TCTN3: variants seen among roughly 807,000 people sequenced by gnomAD.
TCTN3 encodes the protein tectonic-3.
A neutral mutation model predicts 71.3 loss-of-function variants in TCTN3; 57 were observed. The ratio of observed to expected loss-of-function variants is 0.80; its 90% CI spans 0.65 to 1.00. The LOEUF (loss-of-function observed/expected upper bound fraction) is 1.00. Ranked by LOEUF, TCTN3 falls within the 50% of genes least tolerant of loss-of-function variation. The pLI, the probability that TCTN3 is intolerant of heterozygous loss-of-function variation, is 0.00. For synonymous variants in TCTN3, 258 were observed against 267.8 expected, an observed-to-expected ratio of 0.96 and a Z score of 0.36; for missense variants, 696 against 719.9, an observed-to-expected ratio of 0.97 and a Z score of 0.38.
At chr10:95,677,296 A>G (rs2097938014) in intron 13 of TCTN3, among the ~76,000 whole-genome samples, 1 of 152,154 alleles carries the variant, frequency 6.6e-6, no homozygotes, top group Admixed American at 6.6e-5. Context: ...AATAGTATAA[A>G]ATTGTAAGTG....
chr10:95,689,354 G>A (rs1330451820), intron 3 of TCTN3, among the ~76,000 whole-genome samples: 2 of 152,202 alleles, frequency 1.3e-5, no homozygotes, highest in Non-Finnish European at 2.9e-5. Flanking sequence ...AACAGGTGAT[G>A]TTGATGCTGC....
At chr10:95,685,210 A>G (rs2097947108) in intron 8 of TCTN3, among the ~76,000 whole-genome samples, 2 of 152,236 alleles carry the variant, frequency 1.3e-5, no homozygotes, top group South Asian at 4.1e-4. Context: ...ACAGACTGCA[A>G]GTGGGCAACA....
rs774722961 is a variant in TCTN3 at position 95,680,592 on chromosome 10, G to A, written c.1470C>T (p.Ser490=). 5.0e-6 allele frequency: 8 copies of A among 1,614,050 alleles called. No individual in the cohort carries two copies. The South Asian group carries it at 8.8e-5, about 18-fold the overall frequency. The change falls in exon 13 of 14, where the codon TCC becomes TCT. Residue 490 remains serine, a synonymous_variant. Transcript: ENST00000371217. ...CCAGGGAAACTGGTATGAGACAGCA[G>A]GAAGTACAGTTTATAGCCTGCAGAA... is the stretch of plus-strand genomic sequence containing the variant. ...HCSISAINCT[S]CCLIPVSLEI...
intron 3 of TCTN3, among the ~76,000 whole-genome samples, chr10:95,687,991 A>G (rs1466066243): frequency 1.3e-5 from 2 of 152,212 alleles, no homozygotes; most frequent in Admixed American, 6.5e-5. Context: ...TAACTGAATT[A>G]TTGTTTTAAT....
At position 95,663,770 on chromosome 10, in the gene TCTN3, A is replaced by G. The variant is rs1254574339; in HGVS notation, c.*297T>C. ...ATCCAGACCTTGTAAACATTCAGCT[A>G]GGTGTAACATAACCAGAAAGGCTGA... On this transcript the variant is annotated 3_prime_UTR_variant, in exon 14 of 14. Coordinates refer to ENST00000371217, the MANE Select transcript of TCTN3 (RefSeq NM_015631.6). 3.2e-6 allele frequency: 1 copy of G among 316,200 alleles called. No individual in the cohort carries two copies. Among genetic ancestry groups the G allele is most frequent in the Non-Finnish European group, 6.0e-6 (1 of 167,622 alleles). 19.6% of individuals were successfully genotyped at this position (316,200 alleles called of 1,614,324 possible).
chr10:95,693,295 T>C, intron 2 of TCTN3, 58 bp downstream of exon 2: 1 of 1,547,806 alleles, frequency 6.5e-7, no homozygotes, highest in Non-Finnish European at 8.7e-7. Flanking sequence ...TACATCCAAA[T>C]GTTACCCGTT....
Position 95,693,920 on chromosome 10 carries a change from G to A in TCTN3, c.-21C>T, listed in dbSNP as rs1258727352. The A allele has an allele frequency of 2.6e-6, 4 of 1,551,346 alleles. No individual in the cohort carries two copies. Among genetic ancestry groups the A allele is most frequent in the Non-Finnish European group, 1.7e-6 (2 of 1,146,978 alleles). On this transcript the variant is annotated 5_prime_UTR_variant, in exon 1 of 14. Transcript: ENST00000371217. ...CGCATGGGGCATTCAGGGCCTCCGG[G>A]TCCGACGTAGGCCTCCGCGGTCTCC...
chr10:95,693,048 AAG>A lies in TCTN3; in HGVS notation c.381-12_381-11del. The A allele has an allele frequency of 1.3e-6, 2 of 1,589,854 alleles. No individual in the cohort carries two copies. Among genetic ancestry groups the A allele is most frequent in the Non-Finnish European group, 1.7e-6 (2 of 1,160,966 alleles). On this transcript the variant is annotated splice_polypyrimidine_tract_variant and intron_variant, in intron 2 of 13. Transcript: ENST00000371217. The stretch of plus-strand genomic sequence containing the variant: ...AACCCAGCTTGAAGACCTGTGAGGA[AAG>A]AGGAGGGAGAAGATATATTTAGAAG...
chr10:95,669,231 G>A (rs899743166), intron 13 of TCTN3, among the ~76,000 whole-genome samples: 2 of 152,206 alleles, frequency 1.3e-5, no homozygotes. Flanking sequence ...CAACAGCATA[G>A]TAGGGCGACT....
chr10:95,693,654 G>A lies in TCTN3; in HGVS notation c.246C>T (p.Asp82=). 1.9e-6 allele frequency: 3 copies of A among 1,551,176 alleles called. No homozygotes were observed. The highest frequency in any genetic ancestry group is 2.6e-6 in the Non-Finnish European group (3 of 1,146,848). The change falls in exon 1 of 14, where the codon GAC becomes GAT. Residue 82 remains aspartate (D), a synonymous_variant. Transcript: ENST00000371217. ...AACGTTTTCCCTCACCTGGGAAGAGGTCCACAGTCCTATTCCCAGGGGCCG... is the reference window on the plus strand; with the variant it reads ...AACGTTTTCCCTCACCTGGGAAGAGATCCACAGTCCTATTCCCAGGGGCCG... The part of the protein sequence containing the change: ...TPSAPGNRTV[D]LFPVLPICVC...
chr10:95,687,463 G>C, intron 4 of TCTN3, 108 bp from the exon 5 acceptor site: 1 of 1,511,230 alleles, frequency 6.6e-7, no homozygotes, highest in Non-Finnish European at 9.0e-7. Flanking sequence ...TACGTGGACA[G>C]TACTGCCCTC....
chr10:95,665,369 C>G (rs1259497403), intron 13 of TCTN3, among the ~76,000 whole-genome samples: 1 of 152,186 alleles, frequency 6.6e-6, no homozygotes, highest in East Asian at 1.9e-4. Context: ...ACCTCTGCCT[C>G]CCGGGTTCAA....
At chr10:95,668,792 C>T (rs1177000251) in intron 13 of TCTN3, among the ~76,000 whole-genome samples, 1 of 152,130 alleles carries the variant, frequency 6.6e-6, no homozygotes, top group Non-Finnish European at 1.5e-5. Context: ...ACGACCACTG[C>T]GGGGCAGCAA....
At chr10:95,679,844 C>A (rs1214650206) in intron 13 of TCTN3, among the ~76,000 whole-genome samples, 1 of 152,066 alleles carries the variant, frequency 6.6e-6, no homozygotes, top group Non-Finnish European at 1.5e-5. Flanking sequence ...CCCGCCTCGG[C>A]CTCCCAAAGT....
At chr10:95,674,477 C>T (rs761800076) in intron 13 of TCTN3, among the ~76,000 whole-genome samples, 3 of 151,982 alleles carry the variant, frequency 2.0e-5, no homozygotes, top group South Asian at 2.1e-4. Flanking sequence ...TCTATACACA[C>T]GGATATCCAT....
intron 3 of TCTN3, among the ~76,000 whole-genome samples, chr10:95,689,393 T>C (rs943620933): frequency 6.6e-6 from 1 of 152,210 alleles, no homozygotes; most frequent in African/African-American, 2.4e-5. Flanking sequence ...CCACCTCTGA[T>C]CTGAAATCTT....
intron 3 of TCTN3, among the ~76,000 whole-genome samples, chr10:95,688,921 T>C (rs1273388811): frequency 6.6e-6 from 1 of 152,098 alleles, no homozygotes; most frequent in Non-Finnish European, 1.5e-5. Context: ...AAAAAGAACA[T>C]AGGGAAACAT....
chr10:95,686,590 G>A (rs946027114), intron 6 of TCTN3, 60 bp from the exon 7 acceptor site: 22 of 1,561,000 alleles, frequency 1.4e-5, no homozygotes, highest in Admixed American at 1.1e-4. Context: ...CCAGGAGCTT[G>A]TGGTTTCATA....
chr10:95,678,621 A>G (rs780483530), intron 13 of TCTN3, among the ~76,000 whole-genome samples: 21 of 152,240 alleles, frequency 1.4e-4, no homozygotes, highest in Admixed American at 1.0e-3. Flanking sequence ...AGGACAAATA[A>G]TCATAAATGC....
Sources: gnomAD v4.1 joint callset for allele counts (sites outside exome capture counted in the v4.1 genomes callset) on GRCh38, gnomAD v4.1.1 for gene constraint, MANE v1.5 for transcripts, NCBI Gene and HGNC (gene_info 2026-07-23, HGNC 2026-07-21) for gene names.